The following TMEM132D variants were observed in gnomAD, a reference collection of about 807,000 sequenced individuals.
TMEM132D encodes the protein mature OL transmembrane protein.
TMEM132D carries 21 observed loss-of-function variants against 62.3 expected under a neutral mutation model. The ratio of observed to expected loss-of-function variants is 0.34; its 90% CI spans 0.24 to 0.49. TMEM132D has a LOEUF of 0.49. TMEM132D is among the 20% of genes least tolerant of loss of function. The pLI, the probability that TMEM132D is intolerant of heterozygous loss-of-function variation, is 0.99. For synonymous variants in TMEM132D, 621 were observed against 575.6 expected, an observed-to-expected ratio of 1.08 and a Z score of -1.13; for missense variants, 1,346 against 1,402.8, an observed-to-expected ratio of 0.96 and a Z score of 0.65.
chr12:129,078,999 C>A (rs1335382054), intron 7 of TMEM132D, among the ~76,000 whole-genome samples: 1 of 152,142 alleles, frequency 6.6e-6, no homozygotes, highest in Non-Finnish European at 1.5e-5. Context: ...CTCCGTTTCC[C>A]ACCATGCTCC....
At chr12:129,733,685 T>C (rs150875507) in intron 1 of TMEM132D, among the ~76,000 whole-genome samples, 1,202 of 111,230 alleles carry the variant, frequency 0.011, 14 homozygotes, top group African/African-American at 0.041. Flanking sequence ...TAAATGGAGA[T>C]GAGGTGGGGG....
At chr12:129,533,023 C>T (rs1189643689) in intron 2 of TMEM132D, among the ~76,000 whole-genome samples, 1 of 152,124 alleles carries the variant, frequency 6.6e-6, no homozygotes, top group African/African-American at 2.4e-5. Context: ...CCTAGTGACT[C>T]GCTGGACCTG....
intron 1 of TMEM132D, among the ~76,000 whole-genome samples, chr12:129,871,711 C>A (rs1593193953): frequency 1.3e-5 from 2 of 152,174 alleles, no homozygotes; most frequent in East Asian, 3.9e-4. Flanking sequence ...GCTGAACTCT[C>A]GGTAGTTTGA....
chr12:129,197,175 C>G (rs1878572598), intron 5 of TMEM132D, among the ~76,000 whole-genome samples: 5 of 152,162 alleles, frequency 3.3e-5, no homozygotes. Flanking sequence ...ATGAAACTTT[C>G]TTTATGGATA....
intron 1 of TMEM132D, among the ~76,000 whole-genome samples, chr12:129,791,967 C>T (rs186445190): frequency 6.6e-6 from 1 of 152,288 alleles, no homozygotes; most frequent in East Asian, 1.9e-4. Flanking sequence ...ATGCTGCCCC[C>T]GACAGAGGAA....
intron 3 of TMEM132D, among the ~76,000 whole-genome samples, chr12:129,381,781 A>G (rs1870962521): frequency 6.6e-6 from 1 of 152,044 alleles, no homozygotes; most frequent in South Asian, 2.1e-4. Context: ...ACAAATTTGC[A>G]CCAAATGAAT....
chr12:129,351,899 C>A (rs1869877385), intron 3 of TMEM132D, among the ~76,000 whole-genome samples: 1 of 152,148 alleles, frequency 6.6e-6, no homozygotes, highest in Non-Finnish European at 1.5e-5. Context: ...TTCTCTCTAC[C>A]CTGAATGCAA....
intron 2 of TMEM132D, among the ~76,000 whole-genome samples, chr12:129,629,142 T>G (rs1174562876): frequency 6.6e-6 from 1 of 152,062 alleles, no homozygotes; most frequent in Non-Finnish European, 1.5e-5. Context: ...ATGGTGCCTT[T>G]GCACCTGCCA....
chr12:129,427,865 G>A (rs1266435450), intron 3 of TMEM132D, among the ~76,000 whole-genome samples: 1 of 152,154 alleles, frequency 6.6e-6, no homozygotes, highest in Non-Finnish European at 1.5e-5. Context: ...TTTAATTGCT[G>A]TATTAACAGA....
At chr12:129,341,898 A>G in intron 3 of TMEM132D, among the ~76,000 whole-genome samples, 2 of 152,144 alleles carry the variant, frequency 1.3e-5, no homozygotes, top group East Asian at 3.9e-4. Flanking sequence ...AAGGAGAACT[A>G]TAAACCACTG....
chr12:129,871,276 T>C (rs2137377155), intron 1 of TMEM132D, among the ~76,000 whole-genome samples: 1 of 152,258 alleles, frequency 6.6e-6, no homozygotes, highest in South Asian at 2.1e-4. Context: ...TATGCTGAAG[T>C]TGCTGGGAGG....
intron 2 of TMEM132D, among the ~76,000 whole-genome samples, chr12:129,583,093 C>T (rs1257388005): frequency 6.6e-6 from 1 of 152,292 alleles, no homozygotes; most frequent in African/African-American, 2.4e-5. Flanking sequence ...CAGGCGTGAG[C>T]CACTGTGCCC....
intron 8 of TMEM132D, among the ~76,000 whole-genome samples, chr12:129,076,042 G>T (rs1874242193): frequency 6.6e-6 from 1 of 151,996 alleles, no homozygotes; most frequent in Admixed American, 6.5e-5. Context: ...TGAGACAGCT[G>T]CTGCCATTAG....
intron 4 of TMEM132D, among the ~76,000 whole-genome samples, chr12:129,249,369 A>G (rs947254629): frequency 3.3e-5 from 5 of 152,222 alleles, no homozygotes; most frequent in Non-Finnish European, 5.9e-5. Context: ...GATTTTTAGC[A>G]CATACTATTA....
chr12:129,180,634 G>T (rs1334008044), intron 5 of TMEM132D, among the ~76,000 whole-genome samples: 4 of 152,228 alleles, frequency 2.6e-5, no homozygotes, highest in African/African-American at 9.6e-5. Context: ...GAGAGTTAAA[G>T]AAGCAGGCAG....
chr12:129,839,162 C>G (rs1490835377), intron 1 of TMEM132D, among the ~76,000 whole-genome samples: 1 of 57,362 alleles, frequency 1.7e-5, no homozygotes, highest in Admixed American at 3.0e-4. Flanking sequence ...GATGGAATCT[C>G]GCACTGTCGC....
chr12:129,411,588 C>A (rs60677163), intron 3 of TMEM132D, among the ~76,000 whole-genome samples: 53,158 of 151,946 alleles, frequency 0.35, 10,315 homozygotes, highest in Non-Finnish European at 0.45. Context: ...CTCTTGGACT[C>A]AAGCAATCCT....
intron 2 of TMEM132D, among the ~76,000 whole-genome samples, chr12:129,566,601 A>T (rs1312359143): frequency 6.6e-6 from 1 of 152,122 alleles, no homozygotes; most frequent in Non-Finnish European, 1.5e-5. Flanking sequence ...AAAGTATTTT[A>T]CCCACTAATA....
At chr12:129,263,382 A>G (rs143913331) in intron 4 of TMEM132D, among the ~76,000 whole-genome samples, 56 of 152,314 alleles carry the variant, frequency 3.7e-4, no homozygotes, top group Non-Finnish European at 7.1e-4. Context: ...ACTTCACCAA[A>G]TGCTATCTTA....
Sources: allele counts gnomAD v4.1 joint callset (sites outside exome capture counted in the v4.1 genomes callset), GRCh38; gene constraint gnomAD v4.1.1; transcripts MANE v1.5; gene names NCBI Gene and HGNC (gene_info 2026-07-23, HGNC 2026-07-21).